Variants in PUDP observed in about 807,000 individuals in gnomAD.
PUDP encodes pseudouridine-5'-phosphatase.
In PUDP, 8 loss-of-function variants were observed where a neutral mutation model predicts 9.4. That is an observed-to-expected ratio of 0.85 (90% CI 0.50 to 1.53). The LOEUF (loss-of-function observed/expected upper bound fraction) is 1.53. Among genes scored for constraint, PUDP ranks in the 40% most tolerant of loss-of-function variants. The pLI is 0.00. For synonymous variants in PUDP, 99 were observed against 80.7 expected (o/e 1.23, Z -1.22); for missense variants, 188 against 189.7 (o/e 0.99, Z 0.05).
chrX:6,722,115 C>A (rs1461110085), upstream of PUDP, among the ~76,000 whole-genome samples: 3 of 108,000 alleles, frequency 2.8e-5, no homozygotes, highest in African/African-American at 1.0e-4. Flanking sequence ...CATCGCACTA[C>A]CAAAAAAAAA....
intron 3 of PUDP, among the ~76,000 whole-genome samples, chrX:6,933,585 C>A (rs1479442037): frequency 8.9e-6 from 1 of 111,877 alleles, no homozygotes; most frequent in African/African-American, 3.3e-5. Flanking sequence ...CGCCTCTCCT[C>A]CAAAGGAACG....
At chrX:6,981,511 G>A (rs1457110311) in intron 1 of PUDP, among the ~76,000 whole-genome samples, 3 of 111,553 alleles carry the variant, frequency 2.7e-5, no homozygotes, top group African/African-American at 6.5e-5. Flanking sequence ...AAAATTAAAA[G>A]TTTCATCAGA....
intron 3 of PUDP, among the ~76,000 whole-genome samples, chrX:6,798,660 C>A (rs1007007152): frequency 1.8e-5 from 2 of 111,749 alleles, no homozygotes; most frequent in Non-Finnish European, 3.8e-5. Flanking sequence ...TATAATAAAG[C>A]AGAAAAAATT....
chrX:6,781,887 T>C (rs1482442009), intron 3 of PUDP, among the ~76,000 whole-genome samples: 1 of 112,208 alleles, frequency 8.9e-6, no homozygotes, highest in Non-Finnish European at 1.9e-5. Flanking sequence ...GCTGAGAAAC[T>C]CTGTTCTTTT....
rs377018678 is a variant in PUDP, at chrX:6,947,313, G to T, written c.*247+29820C>A. Among the ~76,000 whole-genome samples the T allele has an allele frequency of 2.7e-5, 3 of 111,131 alleles. No individual in the cohort carries two copies. In the South Asian group the frequency reaches 1.1e-3, roughly 42 times the overall value. On this transcript the variant is annotated intron_variant and NMD_transcript_variant, in intron 3 of 3. Transcript: ENST00000655425. ...CAGGCATGAGTCACTGCACCCGGCT[G>T]AAAGTTGCATTATATATTGTCTTGG...
intron 3 of PUDP, among the ~76,000 whole-genome samples, chrX:6,791,198 A>T (rs894949784): frequency 2.7e-5 from 3 of 109,240 alleles, no homozygotes; most frequent in African/African-American, 6.7e-5. Context: ...TCTACAAAAA[A>T]CAAAAAATTG....
intron 3 of PUDP, among the ~76,000 whole-genome samples, chrX:7,061,091 T>C (rs1446608945): frequency 9.0e-6 from 1 of 111,626 alleles, no homozygotes; most frequent in African/African-American, 3.3e-5. Flanking sequence ...GCTAGAAGAC[T>C]GACCTGGCTG....
chrX:6,748,637 T>C (rs16984312), intron 3 of PUDP, among the ~76,000 whole-genome samples: 36,132 of 110,789 alleles, frequency 0.33, 5,136 homozygotes, highest in African/African-American at 0.53. Context: ...GAACACCACT[T>C]TTTCAATCTT....
chrX:6,786,989 G>A (rs1324059213), intron 3 of PUDP, among the ~76,000 whole-genome samples: 2 of 109,517 alleles, frequency 1.8e-5, no homozygotes, highest in Non-Finnish European at 3.8e-5. Context: ...TCCTCTCTCT[G>A]TCACTCTCTG....
At chrX:6,993,026 G>C (rs1290164657) in intron 1 of PUDP, among the ~76,000 whole-genome samples, 2 of 111,564 alleles carry the variant, frequency 1.8e-5, no homozygotes, top group Admixed American at 1.9e-4. Context: ...TTTGTCAGGG[G>C]CTCTGGGGCA....
intron 1 of PUDP, among the ~76,000 whole-genome samples, chrX:7,035,460 T>C (rs1275664051): frequency 8.9e-6 from 1 of 111,925 alleles, no homozygotes; most frequent in Non-Finnish European, 1.9e-5. Flanking sequence ...CCCCTTGATG[T>C]CAATTTCAGT....
Position 6,841,275 on chromosome X carries a change from CAA to C in PUDP, c.*248-134811_*248-134810del, listed in dbSNP as rs60013748. On this transcript the variant is annotated intron_variant and NMD_transcript_variant, in intron 3 of 3. Transcript: ENST00000655425. ...CTGGGTGACACAGCAAACTCTGCCTCAAAAAAAAAAAAATGCATTTGAATAAA... is the reference window on the plus strand; with the variant it reads ...CTGGGTGACACAGCAAACTCTGCCTCAAAAAAAAAAATGCATTTGAATAAA... Among the ~76,000 whole-genome samples, 47 of 92,187 alleles carry C rather than the reference CAA, an allele frequency of 5.1e-4. No homozygotes were observed. The East Asian group carries it at 8.8e-3, about 17-fold the overall frequency. 80.1% of individuals were successfully genotyped at this position (92,187 alleles called of 115,157 possible). A position where few individuals can be genotyped will look rare whatever the true frequency, so the allele number is the denominator to read the frequency against.
At chrX:6,915,323 G>C (rs1392257953) in intron 3 of PUDP, among the ~76,000 whole-genome samples, 9 of 111,853 alleles carry the variant, frequency 8.0e-5, no homozygotes, top group African/African-American at 2.9e-4. Context: ...AAAGTGTATG[G>C]ATTTCTCCTT....
intron 3 of PUDP, among the ~76,000 whole-genome samples, chrX:6,902,986 CT>C (rs1927713972): frequency 9.0e-6 from 1 of 111,364 alleles, no homozygotes; most frequent in Admixed American, 9.5e-5. Context: ...AGCTGTCCCC[CT>C]CCCCACCAAA....
intron 1 of PUDP, among the ~76,000 whole-genome samples, chrX:7,016,434 C>T (rs138279534): frequency 1.8e-5 from 2 of 111,280 alleles, no homozygotes; most frequent in African/African-American, 3.3e-5. Flanking sequence ...CACTGATAGG[C>T]CTGTCATACA....
At chrX:6,834,642 G>A (rs1242016631) in intron 3 of PUDP, among the ~76,000 whole-genome samples, 1 of 111,477 alleles carries the variant, frequency 9.0e-6, no homozygotes, top group East Asian at 2.8e-4. Context: ...GTGTTTTTGT[G>A]CATTTTGTGC....
chrX:6,884,532 T>G (rs1927394414), intron 3 of PUDP, among the ~76,000 whole-genome samples: 1 of 111,661 alleles, frequency 9.0e-6, no homozygotes, highest in African/African-American at 3.3e-5. Flanking sequence ...ATGCAATTAT[T>G]TGAGTGATAC....
intron 1 of PUDP, among the ~76,000 whole-genome samples, chrX:7,106,874 G>C (rs1931899620): frequency 9.0e-6 from 1 of 111,666 alleles, no homozygotes; most frequent in Admixed American, 9.5e-5. Context: ...CAACACAGAG[G>C]AATGTCTACC....
intron 1 of PUDP, among the ~76,000 whole-genome samples, chrX:6,992,172 C>G (rs1929188500): frequency 9.1e-6 from 1 of 109,847 alleles, no homozygotes; most frequent in Non-Finnish European, 1.9e-5. Context: ...ATTGCAGTTG[C>G]ATCGGATGTA....
Sources: gnomAD v4.1 joint callset for allele counts (sites outside exome capture counted in the v4.1 genomes callset) on GRCh38, gnomAD v4.1.1 for gene constraint, MANE v1.5 for transcripts, NCBI Gene and HGNC (gene_info 2026-07-23, HGNC 2026-07-21) for gene names.